Variants in PRELID2 observed in about 807,000 individuals in gnomAD.
PRELID2 encodes PRELI domain containing 2.
Under a neutral mutation model 28.4 loss-of-function variants are expected in PRELID2, and 25 were observed. The ratio of observed to expected loss-of-function variants is 0.88; its 90% CI spans 0.64 to 1.23. The LOEUF (loss-of-function observed/expected upper bound fraction) is 1.23, where lower values mean the gene tolerates loss of function less well. Among genes scored for constraint, PRELID2 ranks in the 50% most tolerant of loss-of-function variants. The pLI, the probability that PRELID2 is intolerant of heterozygous loss-of-function variation, is 0.00. For synonymous variants in PRELID2, 76 were observed against 71.6 expected (o/e 1.06, Z -0.31); for missense variants, 201 against 214.4 (o/e 0.94, Z 0.39).
At chr5:145,571,264 G>A (rs1360874080) in intron 1 of PRELID2, among the ~76,000 whole-genome samples, 1 of 152,148 alleles carries the variant, frequency 6.6e-6, no homozygotes, top group African/African-American at 2.4e-5. Flanking sequence ...CTGTCAGAAT[G>A]GGCACTTCCT....
intron 1 of PRELID2, among the ~76,000 whole-genome samples, chr5:145,529,093 G>A (rs1752634476): frequency 6.6e-6 from 1 of 152,136 alleles, no homozygotes; most frequent in Non-Finnish European, 1.5e-5. Flanking sequence ...TGCTACTTGA[G>A]TTTAACAAAT....
intron 1 of PRELID2, among the ~76,000 whole-genome samples, chr5:145,556,755 C>A (rs1333406498): frequency 6.6e-6 from 1 of 152,188 alleles, no homozygotes; most frequent in Non-Finnish European, 1.5e-5. Flanking sequence ...CTCTGTTCAA[C>A]CCTCACTGGC....
chr5:145,786,374 TA>T (rs1017989383), intron 5 of PRELID2, among the ~76,000 whole-genome samples: 1 of 152,178 alleles, frequency 6.6e-6, no homozygotes, highest in African/African-American at 2.4e-5. Context: ...AATTAGTTTA[TA>T]AAAAACTGTG....
the PRELID2 span, among the ~76,000 whole-genome samples, chr5:145,307,530 G>A: frequency 1.6e-4 from 25 of 152,334 alleles, no homozygotes; most frequent in Admixed American, 3.3e-4. Context: ...GGGAAATAGA[G>A]TATAATAGCT....
At chr5:145,726,241 G>T (rs1355368621) in intron 1 of PRELID2, among the ~76,000 whole-genome samples, 1 of 120,322 alleles carries the variant, frequency 8.3e-6, no homozygotes, top group African/African-American at 3.5e-5. Flanking sequence ...AGGAAGGAGG[G>T]AGGGAGGGAG....
intron 1 of PRELID2, among the ~76,000 whole-genome samples, chr5:145,478,367 GA>G (rs1204653920): frequency 6.6e-6 from 1 of 152,048 alleles, no homozygotes; most frequent in Non-Finnish European, 1.5e-5. Flanking sequence ...CCAACATGGT[GA>G]AACCCCGTCT....
rs548166029 is a variant in PRELID2, at chr5:145,716,192, T to C, written n.70+48739A>G. On this transcript the variant is annotated intron_variant and non_coding_transcript_variant, in intron 1 of 2. Coordinates refer to the PRELID2 transcript ENST00000510259. ...CTGGTCTAAGTCTTCTGTTAGAATGTAAAATCCAAAACCTATCCTGTCTTG... is the reference window on the plus strand; with the variant it reads ...CTGGTCTAAGTCTTCTGTTAGAATGCAAAATCCAAAACCTATCCTGTCTTG... 7.2e-5 allele frequency among the ~76,000 whole-genome samples: 11 copies of C among 152,328 alleles called. No homozygotes were observed. In the East Asian group the frequency reaches 2.1e-3, roughly 29 times the overall value.
At chr5:145,447,603 C>T in the PRELID2 span, among the ~76,000 whole-genome samples, 71 of 124,946 alleles carry the variant, frequency 5.7e-4, no homozygotes, top group Non-Finnish European at 8.4e-4. Context: ...GTATATCTCC[C>T]GATGCTATCC....
chr5:145,297,018 C>T, the PRELID2 span, among the ~76,000 whole-genome samples: 122 of 152,120 alleles, frequency 8.0e-4, no homozygotes, highest in East Asian at 0.014. Flanking sequence ...TCATGTCCTT[C>T]GCCCACTTTT....
At chr5:145,566,144 T>G (rs1752965670) in intron 1 of PRELID2, among the ~76,000 whole-genome samples, 1 of 152,248 alleles carries the variant, frequency 6.6e-6, no homozygotes, top group African/African-American at 2.4e-5. Context: ...GAAGTGTTCT[T>G]GCAATGGTGA....
chr5:145,417,364 C>G, the PRELID2 span, among the ~76,000 whole-genome samples: 9 of 152,032 alleles, frequency 5.9e-5, no homozygotes, highest in African/African-American at 2.2e-4. Flanking sequence ...TTCCAAACAA[C>G]TGAAAAGAAG....
At chr5:145,727,774 C>G (rs1384770872) in intron 1 of PRELID2, among the ~76,000 whole-genome samples, 1 of 152,198 alleles carries the variant, frequency 6.6e-6, no homozygotes, top group Non-Finnish European at 1.5e-5. Context: ...TTTAGAGACA[C>G]AGGGATCCAA....
chr5:145,302,075 A>G, the PRELID2 span, among the ~76,000 whole-genome samples: 1 of 151,972 alleles, frequency 6.6e-6, no homozygotes, highest in Non-Finnish European at 1.5e-5. Context: ...TTTGGAGAAA[A>G]TGGATATCTT....
chr5:145,428,885 C>A, the PRELID2 span, among the ~76,000 whole-genome samples: 1 of 151,728 alleles, frequency 6.6e-6, no homozygotes, highest in African/African-American at 2.4e-5. Flanking sequence ...CAGGCAGGTG[C>A]ATGCTACTGT....
At chr5:145,395,556 C>T in the PRELID2 span, among the ~76,000 whole-genome samples, 3 of 152,294 alleles carry the variant, frequency 2.0e-5, no homozygotes, top group South Asian at 4.1e-4. Flanking sequence ...TAATTTATTA[C>T]AAAGTCCAGC....
intron 1 of PRELID2, among the ~76,000 whole-genome samples, chr5:145,473,676 A>G (rs1752075078): frequency 6.6e-6 from 1 of 152,180 alleles, no homozygotes; most frequent in Non-Finnish European, 1.5e-5. Context: ...CACAGCAGCC[A>G]TCTCTGTGAA....
At position 145,817,993 on chromosome 5, in the gene PRELID2, T is replaced by C. The variant is rs774113522; in HGVS notation, c.269A>G (p.Glu90Gly). 1 of 1,612,858 alleles carries C rather than the reference T, an allele frequency of 6.2e-7. No individual in the cohort carries two copies. Among genetic ancestry groups the C allele is most frequent in the South Asian group, 1.1e-5 (1 of 90,978 alleles). The change falls in exon 4 of 7, where the codon GAA becomes GGA. Residue 90 changes from glutamate to glycine, a missense_variant. By Grantham distance (98) the Glu-to-Gly change is moderately conservative (BLOSUM62 -2). Coordinates refer to ENST00000683046, the MANE Select transcript of PRELID2 (RefSeq NM_205846.3). ...LEEESWLNPR[E>G]RNMAIRSHCL... ...GTGACTCCGTATGGCCATGTTTCTT[T>C]CCCGAGGATTGAGCCATGACTCCTC...
intron 1 of PRELID2, among the ~76,000 whole-genome samples, chr5:145,518,998 A>G (rs1050755076): frequency 6.6e-6 from 1 of 152,104 alleles, no homozygotes; most frequent in Non-Finnish European, 1.5e-5. Context: ...ATAACTTCCC[A>G]CTATTCTGAT....
At chr5:145,235,798 A>C in the PRELID2 span, among the ~76,000 whole-genome samples, 1 of 152,150 alleles carries the variant, frequency 6.6e-6, no homozygotes, top group Non-Finnish European at 1.5e-5. Flanking sequence ...GGAAGAGCAT[A>C]TGCAAAGAAA....
Sources: allele counts gnomAD v4.1 joint callset (sites outside exome capture counted in the v4.1 genomes callset), GRCh38; gene constraint gnomAD v4.1.1; transcripts MANE v1.5; gene names NCBI Gene and HGNC (gene_info 2026-07-23, HGNC 2026-07-21).